ADAD1: variants seen among roughly 807,000 people sequenced by gnomAD.
ADAD1 encodes the protein adenosine deaminase domain containing 1.
ADAD1 carries 46 observed loss-of-function variants against 66.8 expected under a neutral mutation model. The observed-to-expected ratio is 0.69, with a 90% CI of 0.54 to 0.88. The LOEUF (loss-of-function observed/expected upper bound fraction) is 0.88, where lower values mean the gene tolerates loss of function less well. ADAD1 is among the 40% of genes least tolerant of loss of function. The probability of loss-of-function intolerance (pLI) is 0.00; values close to 1 mark genes in which losing one functional copy is unlikely to be tolerated. For missense variants in ADAD1, 617 were observed against 681.8 expected (o/e 0.91, Z 1.06); for synonymous variants, 248 against 229.4 (o/e 1.08, Z -0.73).
intron 12 of ADAD1, among the ~76,000 whole-genome samples, chr4:122,427,369 G>C (rs1248966167): frequency 6.6e-6 from 1 of 152,074 alleles, no homozygotes; most frequent in Non-Finnish European, 1.5e-5. Flanking sequence ...AGTAAATGGA[G>C]AGATGTACCA....
intron 12 of ADAD1, among the ~76,000 whole-genome samples, chr4:122,422,367 C>T (rs1797042281): frequency 6.6e-6 from 1 of 152,176 alleles, no homozygotes; most frequent in South Asian, 2.1e-4. Context: ...TCAGGTGATC[C>T]ACCCGCCTCA....
At chr4:122,388,593 T>G (rs1484434229) in intron 5 of ADAD1, among the ~76,000 whole-genome samples, 4 of 152,226 alleles carry the variant, frequency 2.6e-5, no homozygotes, top group African/African-American at 9.6e-5. Context: ...TCGTTTAGTC[T>G]TGGGAGGTTG....
At chr4:122,390,223 A>G (rs1795368655) in intron 5 of ADAD1, among the ~76,000 whole-genome samples, 1 of 152,156 alleles carries the variant, frequency 6.6e-6, no homozygotes, top group Non-Finnish European at 1.5e-5. Flanking sequence ...CTGCTGAGAG[A>G]TCCCCTGTTA....
At chr4:122,423,363 G>A (rs1258030794) in intron 12 of ADAD1, among the ~76,000 whole-genome samples, 1 of 152,158 alleles carries the variant, frequency 6.6e-6, no homozygotes, top group African/African-American at 2.4e-5. Flanking sequence ...AGCCCTGAAA[G>A]GGCTGAGGTA....
rs189693067 is a variant in ADAD1, at chr4:122,385,276, C to T, written c.529+1310C>T. ...CATGGTTTTTTTATGTAGTGTTTTT[C>T]GTTTTGTTTTGTTTGAGACAGAGTC... On this transcript the variant is annotated intron_variant, in intron 5 of 12. Coordinates refer to ENST00000296513, the MANE Select transcript of ADAD1 (RefSeq NM_139243.4). Among the ~76,000 whole-genome samples the T allele has an allele frequency of 4.0e-5, 6 of 151,570 alleles. No individual in the cohort carries two copies. In the East Asian group the frequency reaches 9.7e-4, roughly 25 times the overall value.
chr4:122,392,055 T>C (rs545150857), intron 5 of ADAD1, among the ~76,000 whole-genome samples: 2 of 152,324 alleles, frequency 1.3e-5, no homozygotes, highest in South Asian at 4.1e-4. Flanking sequence ...ACAGTCTTTC[T>C]TTCTTTGTTT....
In ADAD1 at chr4:122,380,108, C is replaced by T; in HGVS notation, c.39C>T (p.Val13=). The change falls in exon 3 of 13, where the codon GTC becomes GTT. Residue 13 remains valine (V), a synonymous_variant. Coordinates refer to ENST00000296513, the MANE Select transcript of ADAD1 (RefSeq NM_139243.4). ...ATCATTGGTTTCAGAGTTCGCAGGT[C>T]CCCAGCTTTGCCCAGATGCTGAAAA... ...SNNHWFQSSQ[V]PSFAQMLKKN... is the part of the protein sequence containing the mutation. 3.1e-6 allele frequency: 5 copies of T among 1,613,956 alleles called. No individual in the cohort carries two copies. The highest frequency in any genetic ancestry group is 4.2e-6 in the Non-Finnish European group (5 of 1,179,984).
intron 5 of ADAD1, among the ~76,000 whole-genome samples, chr4:122,392,786 G>A (rs570864167): frequency 1.3e-5 from 2 of 152,000 alleles, no homozygotes; most frequent in African/African-American, 4.8e-5. Context: ...AAATAAAACT[G>A]GAATTTCTTA....
At chr4:122,413,939 T>G (rs985247630) in intron 10 of ADAD1, among the ~76,000 whole-genome samples, 1 of 148,000 alleles carries the variant, frequency 6.8e-6, no homozygotes, top group Admixed American at 6.7e-5. Flanking sequence ...GACTTTAACC[T>G]TGGAGTTTCG....
chr4:122,392,237 G>T lies in ADAD1; in HGVS notation c.530-1352G>T, dbSNP rs370545220. On this transcript the variant is annotated intron_variant, in intron 5 of 12. Coordinates refer to ENST00000296513, the MANE Select transcript of ADAD1 (RefSeq NM_139243.4). ...AGAAAATAAATTATTCTTTCAAAAA[G>T]ACACATGCAATCTTATGTTCATCTC... is the stretch of plus-strand genomic sequence containing the variant. Among the ~76,000 whole-genome samples the T allele has an allele frequency of 2.6e-5, 4 of 152,174 alleles. No individual in the cohort carries two copies. In the East Asian group the frequency reaches 5.8e-4, roughly 22 times the overall value.
chr4:122,422,501 T>G (rs1266208023), intron 12 of ADAD1, among the ~76,000 whole-genome samples: 1 of 152,226 alleles, frequency 6.6e-6, no homozygotes, highest in Non-Finnish European at 1.5e-5. Context: ...CCAATAATGA[T>G]ACAGCATTAT....
chr4:122,393,141 C>G (rs1380200018), intron 5 of ADAD1, among the ~76,000 whole-genome samples: 1 of 150,032 alleles, frequency 6.7e-6, no homozygotes, highest in Admixed American at 6.7e-5. Flanking sequence ...AAGAGTGAGA[C>G]TAAAAGCATT....
At chr4:122,395,129 C>T (rs547767005) in intron 6 of ADAD1, among the ~76,000 whole-genome samples, 1 of 152,040 alleles carries the variant, frequency 6.6e-6, no homozygotes, top group Non-Finnish European at 1.5e-5. Flanking sequence ...CAGCTCACTG[C>T]AACCTCTGCC....
chr4:122,413,835 G>A (rs1796579806), intron 10 of ADAD1, among the ~76,000 whole-genome samples: 1 of 117,900 alleles, frequency 8.5e-6, no homozygotes, highest in Non-Finnish European at 1.7e-5. Context: ...TTTTCACGCT[G>A]CTGCTTATGA....
At position 122,417,898 on chromosome 4, in the gene ADAD1, G is replaced by A. The variant is rs138366066; in HGVS notation, c.1487+2282G>A. Among the ~76,000 whole-genome samples the A allele has an allele frequency of 8.6e-4, 131 of 152,192 alleles. 1 individual carries two copies. Among genetic ancestry groups the A allele is most frequent in the African/African-American group, 3.0e-3 (125 of 41,530 alleles). On this transcript the variant is annotated intron_variant, in intron 11 of 12. Coordinates refer to ENST00000296513, the MANE Select transcript of ADAD1 (RefSeq NM_139243.4). ...GAAAAATTCTGACTCCTGGTTCAAA[G>A]GGGAAATATAAACTGAAATTGCAGA...
chr4:122,380,141 G>A lies in ADAD1; in HGVS notation c.72G>A (p.Leu24=), dbSNP rs75456370. 98 of 1,614,108 alleles carry A rather than the reference G, an allele frequency of 6.1e-5. No individual in the cohort carries two copies. In the East Asian group the frequency reaches 2.1e-3, roughly 34 times the overall value. ...TTGCCCAGATGCTGAAAAAGAACCTGCCAGTTCAACCAGCGACAAAGACGA... is the reference window on the plus strand; with the variant it reads ...TTGCCCAGATGCTGAAAAAGAACCTACCAGTTCAACCAGCGACAAAGACGA... ...PSFAQMLKKN[L]PVQPATKTIT... The change falls in exon 3 of 13, where the codon CTG becomes CTA. Residue 24 remains leucine (L), a synonymous_variant. Coordinates refer to ENST00000296513, the MANE Select transcript of ADAD1 (RefSeq NM_139243.4).
At chr4:122,404,814 C>T (rs6823186) in intron 7 of ADAD1, among the ~76,000 whole-genome samples, 32,824 of 152,044 alleles carry the variant, frequency 0.22, 3,936 homozygotes, top group Non-Finnish European at 0.28. Context: ...TATATACTTT[C>T]CTGCACTTGT....
Position 122,429,779 on chromosome 4 carries a change from T to TA in ADAD1, c.*40_*41insA. ...TATCACATTAAAAATCTTGTTTTGT[T>TA]TGGTGTGTTTTGACTAGTAAAAATG... On this transcript the variant is annotated 3_prime_UTR_variant, in exon 13 of 13. Coordinates refer to ENST00000296513, the MANE Select transcript of ADAD1 (RefSeq NM_139243.4). 7.1e-7 allele frequency: 1 copy of TA among 1,406,192 alleles called. No homozygotes were observed. Among genetic ancestry groups the TA allele is most frequent in the African/African-American group, 1.4e-5 (1 of 70,542 alleles). The allele number at this position is 1,406,192 out of a possible 1,614,324, so 87.1% of individuals were successfully genotyped here.
At chr4:122,417,226 C>CT (rs1323031407) in intron 11 of ADAD1, among the ~76,000 whole-genome samples, 3 of 150,726 alleles carry the variant, frequency 2.0e-5, no homozygotes, top group Admixed American at 2.0e-4. Flanking sequence ...ATCCCAGCTA[C>CT]TTGGGAGGCT....
Sources: gnomAD v4.1 joint callset for allele counts (sites outside exome capture counted in the v4.1 genomes callset) on GRCh38, gnomAD v4.1.1 for gene constraint, MANE v1.5 for transcripts, NCBI Gene and HGNC (gene_info 2026-07-23, HGNC 2026-07-21) for gene names.